PEX14: variants seen among roughly 807,000 people sequenced by gnomAD.
PEX14 encodes the protein peroxisomal biogenesis factor 14.
A neutral mutation model predicts 49.5 loss-of-function variants in PEX14; 15 were observed. The ratio of observed to expected loss-of-function variants is 0.30; its 90% CI spans 0.20 to 0.47. The LOEUF (loss-of-function observed/expected upper bound fraction) is 0.47. PEX14 is among the 20% of genes least tolerant of loss of function. The pLI is 1.00. For missense variants in PEX14, 398 were observed against 494.8 expected (o/e 0.80, Z 1.86); for synonymous variants, 210 against 212.7 (o/e 0.99, Z 0.11).
At chr1:10,476,523 C>A (rs753541780) in intron 1 of PEX14, among the ~76,000 whole-genome samples, 5 of 152,112 alleles carry the variant, frequency 3.3e-5, no homozygotes, top group Non-Finnish European at 2.9e-5. Context: ...TTTCTTAAGA[C>A]GGAGTCTCTC....
chr1:10,577,979 C>CT (rs1640199933), intron 3 of PEX14, among the ~76,000 whole-genome samples: 1 of 151,806 alleles, frequency 6.6e-6, no homozygotes, highest in African/African-American at 2.4e-5. Flanking sequence ...CTTTATAAGG[C>CT]TTTTTCCTTG....
chr1:10,503,457 C>G (rs1230566467), intron 2 of PEX14, among the ~76,000 whole-genome samples: 2 of 150,520 alleles, frequency 1.3e-5, no homozygotes, highest in African/African-American at 4.9e-5. Context: ...CCTTTACATG[C>G]CCTACCATTG....
chr1:10,580,344 C>G (rs1032815889), intron 3 of PEX14, among the ~76,000 whole-genome samples: 2 of 152,090 alleles, frequency 1.3e-5, no homozygotes, highest in Non-Finnish European at 2.9e-5. Context: ...CCTGCCTTGG[C>G]CTCCCGGGTA....
At chr1:10,562,130 C>T (rs1287351309) in intron 3 of PEX14, among the ~76,000 whole-genome samples, 1 of 152,044 alleles carries the variant, frequency 6.6e-6, no homozygotes, top group African/African-American at 2.4e-5. Flanking sequence ...TTAGCAATCC[C>T]TTCATCTCCC....
intron 2 of PEX14, among the ~76,000 whole-genome samples, chr1:10,507,063 T>A (rs919039608): frequency 6.6e-6 from 1 of 152,226 alleles, no homozygotes; most frequent in Non-Finnish European, 1.5e-5. Flanking sequence ...TATTCTGGCC[T>A]CGCTGTTGGT....
intron 1 of PEX14, among the ~76,000 whole-genome samples, chr1:10,477,229 C>T (rs1641211697): frequency 6.6e-6 from 1 of 152,070 alleles, no homozygotes; most frequent in African/African-American, 2.4e-5. Flanking sequence ...CGCCACCATG[C>T]CCAGCTAATT....
intron 4 of PEX14, among the ~76,000 whole-genome samples, chr1:10,601,624 C>T (rs1479057384): frequency 2.0e-5 from 3 of 152,244 alleles, no homozygotes; most frequent in Non-Finnish European, 2.9e-5. Flanking sequence ...GGGTGACCCA[C>T]TGCAGGTTGC....
At chr1:10,520,163 G>GTTTTTTT (rs1553185445) in intron 2 of PEX14, among the ~76,000 whole-genome samples, 1 of 41,940 alleles carries the variant, frequency 2.4e-5, no homozygotes, top group African/African-American at 4.7e-5. Context: ...TTTTTTTTTT[G>GTTTTTTT]TTTTTTTAAC....
chr1:10,475,035 G>T (rs1641168825), intron 1 of PEX14, 33 bp downstream of exon 1: 1 of 1,594,860 alleles, frequency 6.3e-7, no homozygotes, highest in Admixed American at 1.7e-5. Flanking sequence ...GCTGTGCGGC[G>T]GAGACCCCGG....
intron 3 of PEX14, 60 bp from the exon 4 acceptor site, chr1:10,599,178 G>C: frequency 6.4e-7 from 1 of 1,571,074 alleles, no homozygotes. Flanking sequence ...TGAAGATTCT[G>C]TTGCAGCTAT....
intron 3 of PEX14, among the ~76,000 whole-genome samples, chr1:10,548,172 G>A (rs1295856071): frequency 1.3e-5 from 2 of 152,168 alleles, no homozygotes; most frequent in African/African-American, 4.8e-5. Context: ...AGCTGAGATC[G>A]CGCCACTGCA....
chr1:10,589,733 A>G (rs1640604262), intron 3 of PEX14, among the ~76,000 whole-genome samples: 2 of 152,142 alleles, frequency 1.3e-5, no homozygotes, highest in Admixed American at 6.5e-5. Context: ...GTCTTTTACT[A>G]CATTATTTTA....
intron 3 of PEX14, among the ~76,000 whole-genome samples, chr1:10,579,423 G>A (rs1205778038): frequency 6.6e-6 from 1 of 152,132 alleles, no homozygotes; most frequent in Non-Finnish European, 1.5e-5. Flanking sequence ...AGATAATACT[G>A]TTACAAGAAA....
chr1:10,586,255 G>A (rs1640483403), intron 3 of PEX14, among the ~76,000 whole-genome samples: 1 of 152,156 alleles, frequency 6.6e-6, no homozygotes, highest in Non-Finnish European at 1.5e-5. Flanking sequence ...AATGCAAATT[G>A]CAATCAGAAT....
chr1:10,616,973 ACCT>A (rs1271383980), intron 4 of PEX14: 1 of 151,490 alleles, frequency 6.6e-6, no homozygotes, highest in Non-Finnish European at 1.5e-5. Context: ...CAATATGGTG[ACCT>A]CCTGGAGCAG....
chr1:10,537,341 A>AACCCCCCCC (rs1553187430), intron 3 of PEX14, among the ~76,000 whole-genome samples: 7 of 28,448 alleles, frequency 2.5e-4, no homozygotes, highest in East Asian at 1.5e-3. Flanking sequence ...TTGTGCCAGC[A>AACCCCCCCC]CCCCCCCCCC....
chr1:10,586,075 G>A (rs758317615), intron 3 of PEX14, among the ~76,000 whole-genome samples: 4 of 152,314 alleles, frequency 2.6e-5, no homozygotes, highest in South Asian at 2.1e-4. Flanking sequence ...ATAATGGGAC[G>A]TTTCAAAACT....
intron 2 of PEX14, among the ~76,000 whole-genome samples, chr1:10,501,606 T>G (rs1011870364): frequency 3.9e-5 from 6 of 151,900 alleles, no homozygotes; most frequent in African/African-American, 1.5e-4. Context: ...CTGCCCCTAT[T>G]AGTTTATTTT....
chr1:10,510,864 C>T (rs764675913), intron 2 of PEX14, among the ~76,000 whole-genome samples: 12 of 152,136 alleles, frequency 7.9e-5, no homozygotes, highest in Non-Finnish European at 1.5e-4. Flanking sequence ...ATGACTGCTA[C>T]GCAAGCAACA....
Sources: allele counts gnomAD v4.1 joint callset (sites outside exome capture counted in the v4.1 genomes callset), GRCh38; gene constraint gnomAD v4.1.1; transcripts MANE v1.5; gene names NCBI Gene and HGNC (gene_info 2026-07-23, HGNC 2026-07-21).